The following CUBN variants were observed in gnomAD, a reference collection of about 807,000 sequenced individuals.
CUBN encodes 460 kDa receptor.
CUBN carries 282 observed loss-of-function variants against 405.3 expected under a neutral mutation model. The ratio of observed to expected loss-of-function variants is 0.70; its 90% CI spans 0.63 to 0.77. CUBN has a LOEUF of 0.77. Among genes scored for constraint, CUBN ranks in the 30% least tolerant of loss-of-function variants. The pLI, the probability that CUBN is intolerant of heterozygous loss-of-function variation, is 0.00. For synonymous variants in CUBN, 1,684 were observed against 1,617.0 expected, an observed-to-expected ratio of 1.04 and a Z score of -0.99; for missense variants, 4,514 against 4,475.2, an observed-to-expected ratio of 1.01 and a Z score of -0.25.
intron 10 of CUBN, among the ~76,000 whole-genome samples, chr10:17,106,714 G>A (rs1836641441): frequency 6.6e-6 from 1 of 152,014 alleles, no homozygotes. Context: ...GCTAGAATGA[G>A]GGGAGCCCAG....
chr10:16,950,856 C>T (rs1014239595), intron 33 of CUBN, among the ~76,000 whole-genome samples: 6 of 152,298 alleles, frequency 3.9e-5, no homozygotes, highest in South Asian at 2.1e-4. Flanking sequence ...TCTCAATAGA[C>T]TCATTTCCTT....
At position 16,910,790 on chromosome 10, in the gene CUBN, A is replaced by G. The variant is rs540292859; in HGVS notation, c.7533+3021T>C. Among the ~76,000 whole-genome samples, 11 of 151,470 alleles carry G rather than the reference A, an allele frequency of 7.3e-5. 1 individual carries two copies. The South Asian group carries it at 2.3e-3, about 31-fold the overall frequency. On this transcript the variant is annotated intron_variant, in intron 48 of 66. Coordinates refer to ENST00000377833, the MANE Select transcript of CUBN (RefSeq NM_001081.4). The stretch of plus-strand genomic sequence containing the variant: ...ATATATATTAATATATCAAACATAT[A>G]AAATATTTAAATATATACTTTTCAA...
Position 16,878,813 on chromosome 10 carries a change from C to T in CUBN, c.8906-1716G>A, listed in dbSNP as rs567862546. 9.2e-5 allele frequency among the ~76,000 whole-genome samples: 14 copies of T among 152,296 alleles called. 1 individual carries two copies. The highest frequency in any genetic ancestry group is 4.1e-4 in the South Asian group (2 of 4,826). On this transcript the variant is annotated intron_variant, in intron 56 of 66. Transcript: ENST00000377833. ...GACATTTCACATGAATAAAATCATGCAATATGTGACCTTTTGTGGCTGGCT... is the reference window on the plus strand; with the variant it reads ...GACATTTCACATGAATAAAATCATGTAATATGTGACCTTTTGTGGCTGGCT...
chr10:17,123,040 C>T, intron 5 of CUBN, 142 bp from the exon 6 acceptor site: 2 of 696,152 alleles, frequency 2.9e-6, no homozygotes, highest in East Asian at 2.7e-5. Flanking sequence ...CTGATATTAA[C>T]CCCTGGCTAT....
intron 28 of CUBN, 81 bp from the exon 29 acceptor site, chr10:16,990,596 G>T: frequency 8.0e-7 from 1 of 1,257,182 alleles, no homozygotes; most frequent in East Asian, 2.3e-5. Context: ...TCACCGAAAG[G>T]CCATCAAAAA....
In CUBN at chr10:16,947,355, G is replaced by A. The variant is rs144943516; in HGVS notation, c.5222C>T (p.Thr1741Met). 38 of 1,613,876 alleles carry A rather than the reference G, an allele frequency of 2.4e-5. No homozygotes were observed. Among genetic ancestry groups the A allele is most frequent in the African/African-American group, 5.3e-5 (4 of 74,898 alleles). Residue 1741 changes from threonine to methionine, a missense_variant, in exon 36 of 67, where the codon ACG becomes ATG. Around this residue, in one of 5 missense-constraint regions of CUBN, gnomAD observed 1,613 missense variants for 1,542.8 expected, o/e 1.05. Coordinates refer to ENST00000377833, the MANE Select transcript of CUBN (RefSeq NM_001081.4). ...VTASVSACGGTFYMAEGIFNS... is the reference protein window; with the variant it reads ...VTASVSACGGMFYMAEGIFNS... ...GAAGATGCCTTCAGCCATGTAGAAC[G>A]TTCCACCACAAGCTGGAAGAAAATA...
At chr10:17,102,253 C>CCATT (rs1836509579) in intron 13 of CUBN, among the ~76,000 whole-genome samples, 1 of 144,148 alleles carries the variant, frequency 6.9e-6, no homozygotes, top group African/African-American at 2.5e-5. Flanking sequence ...GAGGATCCTC[C>CCATT]TATTTATTTA....
intron 59 of CUBN, among the ~76,000 whole-genome samples, chr10:16,851,679 T>A (rs895489320): frequency 8.6e-6 from 1 of 116,584 alleles, no homozygotes; most frequent in Non-Finnish European, 1.7e-5. Flanking sequence ...CCTCCCTCAC[T>A]CTATCTTTCC....
intron 28 of CUBN, among the ~76,000 whole-genome samples, chr10:17,001,241 A>C (rs1161456395): frequency 6.6e-6 from 1 of 152,184 alleles, no homozygotes; most frequent in Non-Finnish European, 1.5e-5. Flanking sequence ...CAGCAGCAAG[A>C]TTTATTGTGA....
At position 17,041,196 on chromosome 10, in the gene CUBN, T is replaced by C. The variant is rs749947571; in HGVS notation, c.3854A>G (p.Asn1285Ser). 6.2e-7 allele frequency: 1 copy of C among 1,613,694 alleles called. No individual in the cohort carries two copies. Among genetic ancestry groups the C allele is most frequent in the Non-Finnish European group, 8.5e-7 (1 of 1,179,652 alleles). Residue 1285 changes from asparagine to serine, a missense_variant, in exon 27 of 67, where the codon AAT (asparagine) becomes AGT (serine). By Grantham distance (46) the Asn-to-Ser change is conservative. Coordinates refer to ENST00000377833, the MANE Select transcript of CUBN (RefSeq NM_001081.4). Reference sequence around the variant, plus strand: ...ACTCTCTAAGATGCCATAGGTTTGATTGACTATTACCACATTCTCACATGC... The same window carrying C: ...ACTCTCTAAGATGCCATAGGTTTGACTGACTATTACCACATTCTCACATGC... The part of the protein sequence containing the change: ...RQTCENVVIV[N>S]QTYGILESIG...
Position 16,828,958 on chromosome 10 carries a change from G to T in CUBN, c.10611C>A (p.Cys3537Ter). ...YPGTYPNNTY[C>*]EWVLVAPAGR... Reference sequence around the variant, plus strand: ...CAGCAGGAGCAACAAGGACCCACTCGCAGTACGTGTTGTTTGGGTATGTGC... The same window carrying T: ...CAGCAGGAGCAACAAGGACCCACTCTCAGTACGTGTTGTTTGGGTATGTGC... The change falls in exon 66 of 67, where the codon TGC becomes TGA. Residue 3537 changes from cysteine (C) to a stop codon, truncating the protein, a stop_gained. Coordinates refer to ENST00000377833, the MANE Select transcript of CUBN (RefSeq NM_001081.4). LOFTEE classifies it high-confidence loss of function. 6.2e-7 allele frequency: 1 copy of T among 1,614,100 alleles called. No homozygotes were observed.
At chr10:17,067,316 T>C (rs1278358801) in intron 21 of CUBN, among the ~76,000 whole-genome samples, 1 of 152,122 alleles carries the variant, frequency 6.6e-6, no homozygotes, top group South Asian at 2.1e-4. Flanking sequence ...ATGGACTACA[T>C]ATAAAATGAC....
chr10:17,016,078 T>C lies in CUBN; in HGVS notation c.4168+3755A>G, dbSNP rs138633616. Among the ~76,000 whole-genome samples, 436 of 152,278 alleles carry C rather than the reference T, an allele frequency of 2.9e-3. 1 individual carries two copies. Among genetic ancestry groups the C allele is most frequent in the African/African-American group, 1.0e-2 (414 of 41,542 alleles). The stretch of plus-strand genomic sequence containing the variant: ...GCCCTCTCCTGATATCTGCAGCTGA[T>C]TGGGTAATAAACTTATCTTTTAGGA... On this transcript the variant is annotated intron_variant, in intron 28 of 66. Transcript: ENST00000377833.
In CUBN at chr10:16,847,377, G is replaced by A. The variant is rs531325656; in HGVS notation, c.9663+3858C>T. The stretch of plus-strand genomic sequence containing the variant: ...TGAGGCAGGAGAATGGCGTGAACCC[G>A]GGAGACAGAGCCTGCAGTGAGCCGA... On this transcript the variant is annotated intron_variant, in intron 60 of 66. Coordinates refer to ENST00000377833, the MANE Select transcript of CUBN (RefSeq NM_001081.4). Among the ~76,000 whole-genome samples, 30 of 152,136 alleles carry A rather than the reference G, an allele frequency of 2.0e-4. No homozygotes were observed. In the East Asian group the frequency reaches 4.5e-3, roughly 23 times the overall value.
chr10:17,079,810 C>G (rs767833832), intron 17 of CUBN, among the ~76,000 whole-genome samples: 22 of 152,136 alleles, frequency 1.4e-4, no homozygotes, highest in Non-Finnish European at 2.4e-4. Flanking sequence ...GGCTCTCCCC[C>G]ACCCAATCCC....
intron 21 of CUBN, among the ~76,000 whole-genome samples, 179 bp from the exon 22 acceptor site, chr10:17,065,817 G>A (rs927921734): frequency 2.0e-5 from 3 of 152,028 alleles, no homozygotes; most frequent in African/African-American, 4.8e-5. Flanking sequence ...AGATTGTCCC[G>A]TTCATGATTA....
At chr10:16,952,519 T>C in intron 32 of CUBN, 130 bp from the exon 33 acceptor site, 1 of 683,932 alleles carries the variant, frequency 1.5e-6, no homozygotes, top group East Asian at 2.9e-5. Context: ...CCAAGAAAGT[T>C]CTCCATAAGG....
At chr10:17,011,273 A>G (rs897853793) in intron 28 of CUBN, among the ~76,000 whole-genome samples, 2 of 152,164 alleles carry the variant, frequency 1.3e-5, no homozygotes, top group Admixed American at 6.5e-5. Flanking sequence ...TGAGTGTTAC[A>G]GTTCTTAAAG....
At chr10:16,890,089 C>T (rs545813712) in intron 55 of CUBN, among the ~76,000 whole-genome samples, 17 of 152,246 alleles carry the variant, frequency 1.1e-4, no homozygotes, top group African/African-American at 3.6e-4. Flanking sequence ...TTGTTGCTAA[C>T]GAACTAGCCA....
Sources: gnomAD v4.1 joint callset for allele counts (sites outside exome capture counted in the v4.1 genomes callset) on GRCh38, gnomAD v4.1.1 for gene constraint, gnomAD v4.1.1 regional missense constraint, MANE v1.5 for transcripts, NCBI Gene and HGNC (gene_info 2026-07-23, HGNC 2026-07-21) for gene names.